PLCG2: variants seen among roughly 807,000 people sequenced by gnomAD.
PLCG2 encodes phospholipase C gamma 2.
PLCG2 carries 69 observed loss-of-function variants against 175.6 expected under a neutral mutation model. The ratio of observed to expected loss-of-function variants is 0.39; its 90% CI spans 0.32 to 0.48. The LOEUF (loss-of-function observed/expected upper bound fraction) is 0.48, where lower values mean the gene tolerates loss of function less well. Among genes scored for constraint, PLCG2 ranks in the 20% least tolerant of loss-of-function variants. The pLI is 0.91. For missense variants in PLCG2, 1,798 were observed against 1,650.9 expected, an observed-to-expected ratio of 1.09 and a Z score of -1.54; for synonymous variants, 827 against 624.0, an observed-to-expected ratio of 1.33 and a Z score of -4.85.
chr16:81,888,837 A>G (rs1318819960), intron 9 of PLCG2, among the ~76,000 whole-genome samples: 1 of 152,214 alleles, frequency 6.6e-6, no homozygotes, highest in Non-Finnish European at 1.5e-5. Flanking sequence ...TTGTTTTTAT[A>G]AACAAAATAT....
At chr16:81,783,169 T>C (rs533061235) in intron 1 of PLCG2, 6 of 485,978 alleles carry the variant, frequency 1.2e-5, no homozygotes, top group African/African-American at 9.7e-5. Context: ...TTCCTACTTA[T>C]GTTCCAGTGG....
chr16:81,937,365 G>A (rs4077853), intron 27 of PLCG2: 68,651 of 153,500 alleles, frequency 0.45, 16,382 homozygotes, highest in Non-Finnish European at 0.54. Flanking sequence ...TCTTTTCTGG[G>A]AACTATTTGT....
At chr16:81,808,458 C>G (rs539031379) in intron 2 of PLCG2, among the ~76,000 whole-genome samples, 1 of 152,174 alleles carries the variant, frequency 6.6e-6, no homozygotes, top group South Asian at 2.1e-4. Flanking sequence ...AGTCTCAGCT[C>G]TGCCACCTAC....
At chr16:81,745,142 G>A (rs892265315) in intron 1 of PLCG2, among the ~76,000 whole-genome samples, 1 of 152,146 alleles carries the variant, frequency 6.6e-6, no homozygotes, top group Non-Finnish European at 1.5e-5. Flanking sequence ...GTCACTGCAG[G>A]GCTGAACTAG....
At chr16:81,920,002 A>G (rs1039025872) in intron 20 of PLCG2, among the ~76,000 whole-genome samples, 1 of 152,210 alleles carries the variant, frequency 6.6e-6, no homozygotes. Context: ...CTCACTGAAA[A>G]GGAATGAGCC....
At position 81,907,875 on chromosome 16, in the gene PLCG2, G is replaced by T. The variant is rs946978204; in HGVS notation, c.1557+101G>T. On this transcript the variant is annotated intron_variant, in intron 16 of 32. Transcript: ENST00000564138. ...TCCCATGTGGCTTCTCTGGCCGGCT[G>T]GCAAGGGGATGCTCCGCTGAAGAAG... 3.9e-6 allele frequency: 3 copies of T among 778,232 alleles called. No homozygotes were observed. The African/African-American group carries it at 5.1e-5, about 13-fold the overall frequency. 48.2% of individuals were successfully genotyped at this position (778,232 alleles called of 1,614,324 possible).
At chr16:81,870,511 G>C (rs1567508309) in intron 6 of PLCG2, among the ~76,000 whole-genome samples, 1 of 152,196 alleles carries the variant, frequency 6.6e-6, no homozygotes. Flanking sequence ...TGGAAACCTG[G>C]CTGAGACTCT....
chr16:81,882,183 G>T (rs9674313), intron 8 of PLCG2, among the ~76,000 whole-genome samples: 1 of 152,034 alleles, frequency 6.6e-6, no homozygotes, highest in Middle Eastern at 3.2e-3. Flanking sequence ...GGGAAGCCCC[G>T]TGTAGCAGAA....
chr16:81,784,527 G>T (rs1438612098), intron 1 of PLCG2, among the ~76,000 whole-genome samples: 5 of 152,148 alleles, frequency 3.3e-5, no homozygotes, highest in African/African-American at 1.2e-4. Flanking sequence ...TCCTGGGAGG[G>T]TCTCTCTAGT....
Position 81,907,239 on chromosome 16 carries a change from G to C in PLCG2, c.1468-446G>C, listed in dbSNP as rs572116584. 2.0e-5 allele frequency among the ~76,000 whole-genome samples: 3 copies of C among 151,816 alleles called. No individual in the cohort carries two copies. In the East Asian group the frequency reaches 5.8e-4, roughly 29 times the overall value. ...TAACGTCATGCATGACAATAAAACA[G>C]TGACCAAAGCTAAGAACTTAACCCT... On this transcript the variant is annotated intron_variant, in intron 15 of 32. Coordinates refer to ENST00000564138, the MANE Select transcript of PLCG2 (RefSeq NM_002661.5).
intron 21 of PLCG2, among the ~76,000 whole-genome samples, chr16:81,923,146 G>C: frequency 6.6e-6 from 1 of 152,210 alleles, no homozygotes; most frequent in East Asian, 1.9e-4. Context: ...GAGCAATATT[G>C]TGTCACTACA....
At chr16:81,804,253 G>C (rs180930348) in intron 2 of PLCG2, among the ~76,000 whole-genome samples, 2 of 152,332 alleles carry the variant, frequency 1.3e-5, no homozygotes, top group Non-Finnish European at 2.9e-5. Flanking sequence ...CCTAGTGGAG[G>C]TGAAGTGTTA....
At chr16:81,751,532 T>G (rs1167677134) in intron 1 of PLCG2, among the ~76,000 whole-genome samples, 1 of 151,790 alleles carries the variant, frequency 6.6e-6, no homozygotes, top group Non-Finnish European at 1.5e-5. Flanking sequence ...GGAATATGGG[T>G]TTTTTTTGAG....
intron 2 of PLCG2, 147 bp from the exon 3 acceptor site, chr16:81,854,297 G>C: frequency 2.8e-6 from 2 of 715,464 alleles, no homozygotes; most frequent in South Asian, 3.5e-5. Context: ...AGAAGGAGGG[G>C]ACACTGAGTC....
rs1410820297 is a variant in PLCG2, at chr16:81,916,108, C to G, written c.2055-3376C>G. ...CAAATGGGAACATTCTGCAGCTTTT[C>G]TACTCAGCAGTGTTTCTTTTCTTTC... is the stretch of plus-strand genomic sequence containing the variant. On this transcript the variant is annotated intron_variant, in intron 19 of 32. Coordinates refer to ENST00000564138, the MANE Select transcript of PLCG2 (RefSeq NM_002661.5). Among the ~76,000 whole-genome samples the G allele has an allele frequency of 2.6e-5, 4 of 152,150 alleles. No individual in the cohort carries two copies. The South Asian group carries it at 6.2e-4, about 24-fold the overall frequency.
chr16:81,803,305 A>G (rs1171544915), intron 2 of PLCG2, among the ~76,000 whole-genome samples: 1 of 151,790 alleles, frequency 6.6e-6, no homozygotes, highest in Non-Finnish European at 1.5e-5. Flanking sequence ...TATTTTTAGT[A>G]GAGATGGGGT....
intron 2 of PLCG2, among the ~76,000 whole-genome samples, chr16:81,759,862 C>T (rs1359653992): frequency 3.3e-5 from 5 of 152,184 alleles, no homozygotes; most frequent in African/African-American, 1.2e-4. Flanking sequence ...CGTGGTGGCT[C>T]ACGCCTGTAA....
intron 2 of PLCG2, among the ~76,000 whole-genome samples, chr16:81,803,333 G>A (rs948857325): frequency 1.3e-5 from 2 of 151,816 alleles, no homozygotes; most frequent in African/African-American, 4.8e-5. Flanking sequence ...TGTTAGCCAG[G>A]ATGCATCTCA....
chr16:81,798,030 C>G (rs773821180), intron 2 of PLCG2, among the ~76,000 whole-genome samples: 2 of 152,040 alleles, frequency 1.3e-5, no homozygotes, highest in Non-Finnish European at 2.9e-5. Flanking sequence ...GGGGTTCCAC[C>G]ATGTTGACCA....
Sources: allele counts gnomAD v4.1 joint callset (sites outside exome capture counted in the v4.1 genomes callset), GRCh38; gene constraint gnomAD v4.1.1; transcripts MANE v1.5; gene names NCBI Gene and HGNC (gene_info 2026-07-23, HGNC 2026-07-21).